RBFOX1: variants seen among roughly 807,000 people sequenced by gnomAD.
RBFOX1 encodes the protein RNA binding protein fox-1 homolog 1.
In RBFOX1, 8 loss-of-function variants were observed where a neutral mutation model predicts 57.7. That is an observed-to-expected ratio of 0.14 (90% CI 0.08 to 0.25). RBFOX1 has a LOEUF of 0.25. Ranked by LOEUF, RBFOX1 falls within the 10% of genes least tolerant of loss-of-function variation. The pLI, the probability that RBFOX1 is intolerant of heterozygous loss-of-function variation, is 1.00. For synonymous variants in RBFOX1, 326 were observed against 222.4 expected, an observed-to-expected ratio of 1.47 and a Z score of -4.15; for missense variants, 611 against 548.5, an observed-to-expected ratio of 1.11 and a Z score of -1.14.
At chr16:6,859,293 A>T (rs944068804) in intron 3 of RBFOX1, among the ~76,000 whole-genome samples, 2 of 150,344 alleles carry the variant, frequency 1.3e-5, no homozygotes, top group Non-Finnish European at 2.9e-5. Context: ...ATTTGTTCCC[A>T]TCTCATTCGT....
chr16:7,412,057 A>C (rs1009145397), intron 4 of RBFOX1, among the ~76,000 whole-genome samples: 9 of 152,142 alleles, frequency 5.9e-5, no homozygotes, highest in African/African-American at 1.7e-4. Flanking sequence ...AAGCAATCGA[A>C]GTATAGGCTG....
chr16:7,698,183 G>GGTGTGTGTGTGTGT (rs59239865), intron 14 of RBFOX1, among the ~76,000 whole-genome samples: 52 of 136,212 alleles, frequency 3.8e-4, no homozygotes, highest in Admixed American at 1.0e-3. Context: ...AGTCCAAGAG[G>GGTGTGTGTGTGTGT]GTGTGTGTGT....
At chr16:7,348,079 T>C (rs1796194958) in intron 4 of RBFOX1, among the ~76,000 whole-genome samples, 1 of 152,244 alleles carries the variant, frequency 6.6e-6, no homozygotes. Context: ...AAATTCACTT[T>C]GCAAAACTGT....
chr16:5,350,953 C>T (rs551936984), intron 1 of RBFOX1, among the ~76,000 whole-genome samples: 1 of 152,190 alleles, frequency 6.6e-6, no homozygotes, highest in Non-Finnish European at 1.5e-5. Context: ...GCCCAGCCAA[C>T]TGCCTAATTG....
rs1004217219 is a variant in RBFOX1, at chr16:5,391,996, A to G, written c.220-75220A>G. Among the ~76,000 whole-genome samples, 18 of 152,034 alleles carry G rather than the reference A, an allele frequency of 1.2e-4. 1 individual carries two copies. The highest frequency in any genetic ancestry group is 9.8e-4 in the Admixed American group (15 of 15,272). ...TGGCATTCACAGCGACCTGGATGGA[A>G]TTTGAGACATTATTCTAAGTGAAGT... On this transcript the variant is annotated intron_variant, in intron 1 of 2. Transcript: ENST00000585867.
At chr16:5,381,185 G>A (rs1484785849) in intron 1 of RBFOX1, among the ~76,000 whole-genome samples, 4 of 152,162 alleles carry the variant, frequency 2.6e-5, no homozygotes, top group Non-Finnish European at 5.9e-5. Flanking sequence ...TGACAGCCTG[G>A]TCTTTATCTG....
chr16:5,631,996 C>T (rs1021113975), intron 3 of RBFOX1, among the ~76,000 whole-genome samples: 37 of 152,134 alleles, frequency 2.4e-4, no homozygotes, highest in African/African-American at 7.5e-4. Flanking sequence ...TATAAGCTTC[C>T]GTCTAAAGAT....
At chr16:6,788,633 G>A (rs2082373856) in intron 3 of RBFOX1, among the ~76,000 whole-genome samples, 4 of 151,714 alleles carry the variant, frequency 2.6e-5, no homozygotes, top group Admixed American at 2.6e-4. Flanking sequence ...CTACGACCAT[G>A]CCCAGCTGAT....
intron 2 of RBFOX1, among the ~76,000 whole-genome samples, chr16:6,613,773 C>T (rs936349750): frequency 1.3e-5 from 2 of 152,138 alleles, no homozygotes; most frequent in African/African-American, 4.8e-5. Flanking sequence ...CCCATCTCTA[C>T]TACAAATATA....
At chr16:5,524,544 C>CTT (rs35257382) in intron 2 of RBFOX1, among the ~76,000 whole-genome samples, 2 of 139,986 alleles carry the variant, frequency 1.4e-5, no homozygotes, top group African/African-American at 2.7e-5. Context: ...GTAGTAGTTG[C>CTT]TTTTTTTTTT....
At chr16:6,391,876 G>C (rs542941299) in intron 2 of RBFOX1, among the ~76,000 whole-genome samples, 21 of 152,212 alleles carry the variant, frequency 1.4e-4, no homozygotes, top group Middle Eastern at 3.2e-3. Flanking sequence ...TCATTACAGT[G>C]TGCTCTAATA....
chr16:6,771,192 A>C (rs533932996), intron 3 of RBFOX1, among the ~76,000 whole-genome samples: 1 of 152,326 alleles, frequency 6.6e-6, no homozygotes, highest in Admixed American at 6.5e-5. Context: ...AAGAGGCTTC[A>C]GAAGAAACCA....
In RBFOX1 at chr16:6,914,357, C is replaced by G. The variant is rs184551668; in HGVS notation, c.-15-137700C>G. Among the ~76,000 whole-genome samples the G allele has an allele frequency of 7.9e-5, 12 of 151,998 alleles. No homozygotes were observed. The South Asian group carries it at 2.3e-3, about 29-fold the overall frequency. On this transcript the variant is annotated intron_variant, in intron 3 of 15. Coordinates refer to ENST00000550418, the MANE Select transcript of RBFOX1 (RefSeq NM_018723.4). ...GGTGTCTGGGCTTAAATTACAGGGT[C>G]GGCTGATAAGTATTCTACTTTTCAT...
At chr16:5,265,291 A>G (rs1349970780) in intron 1 of RBFOX1, among the ~76,000 whole-genome samples, 1 of 152,098 alleles carries the variant, frequency 6.6e-6, no homozygotes, top group Non-Finnish European at 1.5e-5. Context: ...AGAGACATTG[A>G]TAAAACGGTA....
At chr16:7,565,442 A>C (rs923163853) in intron 5 of RBFOX1, among the ~76,000 whole-genome samples, 1 of 152,220 alleles carries the variant, frequency 6.6e-6, no homozygotes, top group Non-Finnish European at 1.5e-5. Flanking sequence ...TTCTGAGCTT[A>C]CAGTACAATG....
intron 4 of RBFOX1, among the ~76,000 whole-genome samples, chr16:7,251,118 A>G (rs2094485094): frequency 1.3e-5 from 2 of 152,080 alleles, no homozygotes; most frequent in African/African-American, 4.8e-5. Context: ...TATTCCTCCT[A>G]TCTAACTGAA....
chr16:6,523,606 A>C (rs1365841756), intron 2 of RBFOX1, among the ~76,000 whole-genome samples: 1 of 152,204 alleles, frequency 6.6e-6, no homozygotes, highest in Admixed American at 6.5e-5. Flanking sequence ...CTGTCAAATC[A>C]GAGATTTTCA....
chr16:6,933,937 A>G (rs74008469), intron 3 of RBFOX1, among the ~76,000 whole-genome samples: 2,581 of 152,262 alleles, frequency 0.017, 83 homozygotes, highest in African/African-American at 0.058. Context: ...AAAAACAACA[A>G]CATGGTATTG....
At chr16:5,277,091 G>A (rs1299691620) in intron 1 of RBFOX1, among the ~76,000 whole-genome samples, 1 of 151,004 alleles carries the variant, frequency 6.6e-6, no homozygotes, top group Admixed American at 6.6e-5. Context: ...TTTTTTATAT[G>A]TATATATATA....
Sources: gnomAD v4.1 joint callset for allele counts (sites outside exome capture counted in the v4.1 genomes callset) on GRCh38, gnomAD v4.1.1 for gene constraint, MANE v1.5 for transcripts, NCBI Gene and HGNC (gene_info 2026-07-23, HGNC 2026-07-21) for gene names.